The following RPS6KA2 variants were observed in gnomAD, a reference collection of about 807,000 sequenced individuals.
RPS6KA2 encodes the protein ribosomal protein S6 kinase alpha-2.
Under a neutral mutation model 91.8 loss-of-function variants are expected in RPS6KA2, and 42 were observed. The observed-to-expected ratio is 0.46, with a 90% CI of 0.36 to 0.59. RPS6KA2 has a LOEUF of 0.59. Among genes scored for constraint, RPS6KA2 ranks in the 20% least tolerant of loss-of-function variants. The probability of loss-of-function intolerance (pLI) is 0.00; values close to 1 mark genes in which losing one functional copy is unlikely to be tolerated. For missense variants in RPS6KA2, 798 were observed against 978.5 expected, an observed-to-expected ratio of 0.82 and a Z score of 2.46; for synonymous variants, 414 against 393.6, an observed-to-expected ratio of 1.05 and a Z score of -0.61.
chr6:166,461,361 C>T (rs1298825320), intron 11 of RPS6KA2, among the ~76,000 whole-genome samples: 2 of 152,002 alleles, frequency 1.3e-5, no homozygotes, highest in Non-Finnish European at 2.9e-5. Flanking sequence ...GCTGGGAAGC[C>T]CAGGCCATCG....
At chr6:166,691,831 C>T (rs1789213086) in intron 2 of RPS6KA2, among the ~76,000 whole-genome samples, 1 of 152,182 alleles carries the variant, frequency 6.6e-6, no homozygotes, top group African/African-American at 2.4e-5. Flanking sequence ...ATTTATCCAT[C>T]TTCTATACCC....
intron 10 of RPS6KA2, among the ~76,000 whole-genome samples, chr6:166,482,051 TA>T (rs1781243667): frequency 6.6e-6 from 1 of 151,548 alleles, no homozygotes; most frequent in Admixed American, 6.6e-5. Flanking sequence ...AGCTCTCTGA[TA>T]AGATGGTAGA....
At chr6:166,441,588 T>C (rs1393076701) in intron 14 of RPS6KA2, among the ~76,000 whole-genome samples, 1 of 152,218 alleles carries the variant, frequency 6.6e-6, no homozygotes, top group Non-Finnish European at 1.5e-5. Flanking sequence ...TTGCAGGACC[T>C]GGCACTGGAT....
intron 10 of RPS6KA2, among the ~76,000 whole-genome samples, chr6:166,471,206 T>G (rs1414479493): frequency 1.3e-5 from 2 of 152,210 alleles, no homozygotes; most frequent in Non-Finnish European, 2.9e-5. Context: ...GGGGATGCTG[T>G]GGTCAGCACA....
At chr6:166,472,354 G>T (rs1473039620) in intron 10 of RPS6KA2, among the ~76,000 whole-genome samples, 1 of 152,210 alleles carries the variant, frequency 6.6e-6, no homozygotes, top group Non-Finnish European at 1.5e-5. Flanking sequence ...AGGAAATACA[G>T]GTATTGGTAT....
intron 2 of RPS6KA2, among the ~76,000 whole-genome samples, chr6:166,532,998 G>T (rs1783344986): frequency 6.6e-6 from 1 of 152,188 alleles, no homozygotes; most frequent in African/African-American, 2.4e-5. Flanking sequence ...GCTCTTGCTG[G>T]CAGACCCACT....
chr6:166,659,347 C>T lies in RPS6KA2; in HGVS notation c.124-120563G>A, dbSNP rs144360203. Among the ~76,000 whole-genome samples, 38 of 152,306 alleles carry T rather than the reference C, an allele frequency of 2.5e-4. No homozygotes were observed. The East Asian group carries it at 6.9e-3, about 28-fold the overall frequency. On this transcript the variant is annotated intron_variant, in intron 2 of 21. Transcript: ENST00000503859. ...GTCTCCCCCAGCTGTTCCCTGCTGA[C>T]CTCTGCACAGTTCTGGAAGGCTCTG...
rs1257113657 is a variant in RPS6KA2, at chr6:166,423,447, G to T, written c.1582-30C>A. ...AAGACAGAAGGCACAGTGCCTACTT[G>T]GGGGCTGAGGACTGAGCAGGAGAGG... On this transcript the variant is annotated intron_variant, in intron 16 of 20. Coordinates refer to ENST00000265678, the MANE Select transcript of RPS6KA2 (RefSeq NM_021135.6). The surrounding 1 kb of genome is among the most constrained non-coding windows in gnomAD (Gnocchi z 4.8). The T allele has an allele frequency of 1.9e-6, 3 of 1,590,202 alleles. No homozygotes were observed. Among genetic ancestry groups the T allele is most frequent in the Non-Finnish European group, 2.6e-6 (3 of 1,162,156 alleles).
chr6:166,616,042 C>T (rs79844168), intron 1 of RPS6KA2, among the ~76,000 whole-genome samples: 2,034 of 152,252 alleles, frequency 0.013, 59 homozygotes, highest in East Asian at 0.11. Flanking sequence ...TACCGTGTCT[C>T]TTGCCGTACC....
chr6:166,679,959 T>C (rs749542512), intron 2 of RPS6KA2, among the ~76,000 whole-genome samples: 2 of 152,310 alleles, frequency 1.3e-5, no homozygotes, highest in Non-Finnish European at 2.9e-5. Flanking sequence ...CAGTGAGAGG[T>C]GAAGCCAGCT....
intron 2 of RPS6KA2, among the ~76,000 whole-genome samples, chr6:166,788,793 G>C (rs191046415): frequency 6.6e-6 from 1 of 152,272 alleles, no homozygotes; most frequent in Admixed American, 6.5e-5. Context: ...CATGACACAT[G>C]TATGTATATG....
At chr6:166,597,863 T>C (rs1364957492) in intron 1 of RPS6KA2, among the ~76,000 whole-genome samples, 4 of 152,200 alleles carry the variant, frequency 2.6e-5, no homozygotes, top group African/African-American at 9.6e-5. Context: ...CTCTGCTCTC[T>C]GGTGTGCCAG....
At chr6:166,796,793 G>T (rs908840944) in intron 2 of RPS6KA2, among the ~76,000 whole-genome samples, 1 of 150,488 alleles carries the variant, frequency 6.6e-6, no homozygotes, top group Non-Finnish European at 1.5e-5. Flanking sequence ...ACTCACACGA[G>T]TCACTCACAA....
chr6:166,502,202 G>A (rs1301572991), intron 6 of RPS6KA2, among the ~76,000 whole-genome samples: 1 of 152,076 alleles, frequency 6.6e-6, no homozygotes, highest in African/African-American at 2.4e-5. Context: ...GGTGAAAACT[G>A]TAAAAGTCAT....
intron 1 of RPS6KA2, among the ~76,000 whole-genome samples, chr6:166,617,984 C>T (rs1786480936): frequency 6.6e-6 from 1 of 152,226 alleles, no homozygotes; most frequent in Non-Finnish European, 1.5e-5. Flanking sequence ...CTGATGACAC[C>T]ATTGGGGAGA....
chr6:166,698,677 G>T (rs1371768089), intron 2 of RPS6KA2, among the ~76,000 whole-genome samples: 5 of 152,136 alleles, frequency 3.3e-5, no homozygotes, highest in Non-Finnish European at 7.3e-5. Context: ...GTTGAATATT[G>T]CAATAGAGTA....
chr6:166,644,479 G>A (rs1318729087), intron 2 of RPS6KA2, among the ~76,000 whole-genome samples: 1 of 152,150 alleles, frequency 6.6e-6, no homozygotes, highest in Non-Finnish European at 1.5e-5. Context: ...CTTTTAGGAA[G>A]TTTGAGGCTC....
At position 166,852,011 on chromosome 6, in the gene RPS6KA2, A is replaced by G. The variant is rs913634910; in HGVS notation, c.123+6189T>C. Among the ~76,000 whole-genome samples, 3 of 152,284 alleles carry G rather than the reference A, an allele frequency of 2.0e-5. No individual in the cohort carries two copies. The highest frequency in any genetic ancestry group is 7.2e-5 in the African/African-American group (3 of 41,556). ...CTGCCTCAATAAATGCTAATGTTCCATGAAGCCAATGTTATTCTCACCCGC... is the reference window on the plus strand; with the variant it reads ...CTGCCTCAATAAATGCTAATGTTCCGTGAAGCCAATGTTATTCTCACCCGC... On this transcript the variant is annotated intron_variant, in intron 2 of 21. Coordinates refer to the RPS6KA2 transcript ENST00000503859. This position sits in a 1 kb window ranked among gnomAD's most constrained non-coding sequence, Gnocchi z 4.1.
At chr6:166,803,305 G>A (rs988841244) in intron 2 of RPS6KA2, among the ~76,000 whole-genome samples, 6 of 152,164 alleles carry the variant, frequency 3.9e-5, no homozygotes, top group Non-Finnish European at 7.3e-5. Context: ...AAAAATTGAC[G>A]ACTGTAAGTT....
Sources: gnomAD v4.1 joint callset for allele counts (sites outside exome capture counted in the v4.1 genomes callset) on GRCh38, gnomAD v4.1.1 for gene constraint, Gnocchi (gnomAD v3.1) non-coding constraint, MANE v1.5 for transcripts, NCBI Gene and HGNC (gene_info 2026-07-23, HGNC 2026-07-21) for gene names.